TBC1D8: variants seen among roughly 807,000 people sequenced by gnomAD.
The protein encoded by TBC1D8 is TBC1 domain family member 8.
Under a neutral mutation model 118.8 loss-of-function variants are expected in TBC1D8, and 65 were observed. That is an observed-to-expected ratio of 0.55 (90% confidence interval 0.45 to 0.67). The LOEUF (loss-of-function observed/expected upper bound fraction) is 0.67. Among genes scored for constraint, TBC1D8 ranks in the 30% least tolerant of loss-of-function variants. The pLI is 0.00. For missense variants in TBC1D8, 1,376 were observed against 1,471.2 expected, an observed-to-expected ratio of 0.94 and a Z score of 1.06; for synonymous variants, 566 against 595.8, an observed-to-expected ratio of 0.95 and a Z score of 0.73.
chr2:101,112,497 GA>G (rs1677652037), intron 1 of TBC1D8, among the ~76,000 whole-genome samples: 1 of 152,336 alleles, frequency 6.6e-6, no homozygotes, highest in South Asian at 2.1e-4. Flanking sequence ...TTGGCTTTAA[GA>G]TCTGATACAG....
intron 1 of TBC1D8, among the ~76,000 whole-genome samples, chr2:101,117,005 T>A (rs1004962484): frequency 6.6e-6 from 1 of 152,070 alleles, no homozygotes. Flanking sequence ...CTTAATCCAA[T>A]GTGATTGGTG....
At chr2:101,131,011 C>A (rs1022353607) in intron 1 of TBC1D8, among the ~76,000 whole-genome samples, 1 of 152,174 alleles carries the variant, frequency 6.6e-6, no homozygotes, top group African/African-American at 2.4e-5. Flanking sequence ...CACAACCTGC[C>A]CTGCTGGGTG....
chr2:101,046,168 C>G (rs1027270034), intron 5 of TBC1D8, among the ~76,000 whole-genome samples: 1 of 152,210 alleles, frequency 6.6e-6, no homozygotes, highest in African/African-American at 2.4e-5. Flanking sequence ...TGTGACCCCC[C>G]CAGGAGTCCT....
At chr2:101,090,998 ACC>A (rs1675998470) in intron 1 of TBC1D8, among the ~76,000 whole-genome samples, 4 of 152,318 alleles carry the variant, frequency 2.6e-5, no homozygotes, top group African/African-American at 9.6e-5. Flanking sequence ...AAATAAGAAA[ACC>A]GGCCAGGAGT....
At chr2:101,138,609 A>C (rs1375454815) in intron 1 of TBC1D8, among the ~76,000 whole-genome samples, 2 of 152,200 alleles carry the variant, frequency 1.3e-5, no homozygotes, top group Non-Finnish European at 2.9e-5. Context: ...TCACAGAAAC[A>C]CATTTCCCAG....
Position 101,074,336 on chromosome 2 carries a change from G to C in TBC1D8, c.284-14797C>G, listed in dbSNP as rs1674664541. 2.0e-5 allele frequency among the ~76,000 whole-genome samples: 3 copies of C among 152,204 alleles called. No homozygotes were observed. In the South Asian group the frequency reaches 6.2e-4, roughly 32 times the overall value. ...AAACAATTACAACAGTAACAACTAA[G>C]ATCACTGATAACAGATCACCATTAA... is the stretch of plus-strand genomic sequence containing the variant. On this transcript the variant is annotated intron_variant, in intron 2 of 19. Transcript: ENST00000409318.
chr2:101,011,951 T>C (rs913413128), intron 17 of TBC1D8, among the ~76,000 whole-genome samples: 2 of 152,242 alleles, frequency 1.3e-5, no homozygotes, highest in Non-Finnish European at 2.9e-5. Context: ...GTTAAACTTT[T>C]CAGGATAGTA....
At chr2:101,129,340 G>A (rs529769670) in intron 1 of TBC1D8, among the ~76,000 whole-genome samples, 8 of 151,990 alleles carry the variant, frequency 5.3e-5, no homozygotes, top group South Asian at 2.1e-4. Flanking sequence ...ACGGGGTTTC[G>A]CCATGTTGGC....
At chr2:101,021,814 A>C in intron 16 of TBC1D8, 68 bp from the exon 17 acceptor site, 3 of 1,034,180 alleles carry the variant, frequency 2.9e-6, no homozygotes, top group Non-Finnish European at 4.4e-6. Flanking sequence ...ACACAAACTC[A>C]CTGTGGAGAG....
At chr2:101,036,298 A>C (rs1573911028) in intron 8 of TBC1D8, 130 bp from the exon 9 acceptor site, 1 of 1,018,118 alleles carries the variant, frequency 9.8e-7, no homozygotes, top group Non-Finnish European at 1.5e-6. Flanking sequence ...GGGCAAGGAC[A>C]CCTGTATTCA....
intron 2 of TBC1D8, among the ~76,000 whole-genome samples, chr2:101,085,482 G>A (rs1039297658): frequency 6.6e-6 from 1 of 152,158 alleles, no homozygotes; most frequent in Non-Finnish European, 1.5e-5. Context: ...CTCGTCTAGC[G>A]AGATGCCAGT....
At chr2:101,118,424 C>T (rs923210545) in intron 1 of TBC1D8, among the ~76,000 whole-genome samples, 3 of 152,190 alleles carry the variant, frequency 2.0e-5, no homozygotes, top group African/African-American at 7.2e-5. Flanking sequence ...TAGCCGGGCA[C>T]AGTGGCTCAT....
At chr2:101,011,572 A>G in intron 17 of TBC1D8, 32 bp from the exon 18 acceptor site, 2 of 1,610,850 alleles carry the variant, frequency 1.2e-6, no homozygotes, top group Non-Finnish European at 1.7e-6. Context: ...TAAATTAAAC[A>G]AATTTTCTGC....
At chr2:101,049,563 A>C (rs1419287612) in intron 5 of TBC1D8, among the ~76,000 whole-genome samples, 1 of 151,870 alleles carries the variant, frequency 6.6e-6, no homozygotes, top group Non-Finnish European at 1.5e-5. Context: ...CCCCGTCTCT[A>C]CTAAAAATAC....
intron 4 of TBC1D8, among the ~76,000 whole-genome samples, chr2:101,052,151 A>C (rs1299660257): frequency 6.6e-6 from 1 of 152,264 alleles, no homozygotes; most frequent in Admixed American, 6.5e-5. Flanking sequence ...GAGGTGTGTA[A>C]ATGAGGATCA....
chr2:101,057,485 C>G (rs1318803180), intron 3 of TBC1D8, among the ~76,000 whole-genome samples: 1 of 152,210 alleles, frequency 6.6e-6, no homozygotes, highest in Non-Finnish European at 1.5e-5. Flanking sequence ...CTGTGAGTTA[C>G]TCATCACTGA....
At chr2:101,060,907 A>G (rs1057404557) in intron 2 of TBC1D8, among the ~76,000 whole-genome samples, 6 of 152,074 alleles carry the variant, frequency 3.9e-5, no homozygotes, top group African/African-American at 1.4e-4. Context: ...CCAGATATGG[A>G]CCGGGTGCAG....
intron 1 of TBC1D8, among the ~76,000 whole-genome samples, chr2:101,136,076 T>G (rs1678842983): frequency 6.6e-6 from 1 of 152,066 alleles, no homozygotes; most frequent in Non-Finnish European, 1.5e-5. Context: ...CCTAGGCTGG[T>G]CTCCTGGACT....
intron 15 of TBC1D8, among the ~76,000 whole-genome samples, chr2:101,026,309 C>CG (rs1440007447): frequency 6.6e-6 from 1 of 152,124 alleles, no homozygotes; most frequent in African/African-American, 2.4e-5. Context: ...CAAAATGAGG[C>CG]GGGGGTTGGG....
Sources: gnomAD v4.1 joint callset for allele counts (sites outside exome capture counted in the v4.1 genomes callset) on GRCh38, gnomAD v4.1.1 for gene constraint, MANE v1.5 for transcripts, NCBI Gene and HGNC (gene_info 2026-07-23, HGNC 2026-07-21) for gene names.